CACNA2D3: variants seen among roughly 807,000 people sequenced by gnomAD.
CACNA2D3 encodes the protein calcium voltage-gated channel auxiliary subunit alpha2delta 3, also known as voltage-dependent calcium channel subunit alpha-2/delta-3.
CACNA2D3 carries 60 observed loss-of-function variants against 160.6 expected under a neutral mutation model. That is an observed-to-expected ratio of 0.37 (90% CI 0.30 to 0.46). The LOEUF (loss-of-function observed/expected upper bound fraction) is 0.46, where lower values mean the gene tolerates loss of function less well. Among genes scored for constraint, CACNA2D3 ranks in the 20% least tolerant of loss-of-function variants. The probability of loss-of-function intolerance (pLI) is 1.00; values close to 1 mark genes in which losing one functional copy is unlikely to be tolerated. For synonymous variants in CACNA2D3, 558 were observed against 492.9 expected, an observed-to-expected ratio of 1.13 and a Z score of -1.75; for missense variants, 1,205 against 1,365.0, an observed-to-expected ratio of 0.88 and a Z score of 1.85.
intron 5 of CACNA2D3, among the ~76,000 whole-genome samples, chr3:54,524,432 C>A (rs2106999027): frequency 6.6e-6 from 1 of 151,796 alleles, no homozygotes; most frequent in African/African-American, 2.4e-5. Flanking sequence ...ATGGTCTGTC[C>A]TAGAGAATGT....
At chr3:54,309,965 C>T (rs1703700299) in intron 2 of CACNA2D3, among the ~76,000 whole-genome samples, 1 of 151,882 alleles carries the variant, frequency 6.6e-6, no homozygotes, top group South Asian at 2.1e-4. Context: ...TCTTCTCTCT[C>T]TTCATCATTT....
At chr3:54,896,162 G>A (rs959000446) in intron 25 of CACNA2D3, among the ~76,000 whole-genome samples, 6 of 152,160 alleles carry the variant, frequency 3.9e-5, no homozygotes, top group East Asian at 1.9e-4. Flanking sequence ...AGCTCTCTGC[G>A]CAGAAGGCAG....
intron 3 of CACNA2D3, 127 bp from the exon 4 acceptor site, chr3:54,386,588 G>A: frequency 2.7e-6 from 2 of 753,256 alleles, no homozygotes; most frequent in Non-Finnish European, 4.2e-6. Context: ...TTTCATGGGA[G>A]CAAAGGCATC....
At chr3:54,530,852 T>C (rs1189424476) in intron 5 of CACNA2D3, among the ~76,000 whole-genome samples, 1 of 152,194 alleles carries the variant, frequency 6.6e-6, no homozygotes, top group Non-Finnish European at 1.5e-5. Context: ...TTGGCTAAGC[T>C]GAAAAAAGCT....
rs1701073404 is a variant in CACNA2D3 at position 54,717,543 on chromosome 3, CAT to C, written c.1168-35055_1168-35054del. ...GTGTGTGTGGTGTGTGTGTGGTGTG[CAT>C]GTGTGGTGTGTGTGTGTGTGTGTGG... is the stretch of plus-strand genomic sequence containing the variant. On this transcript the variant is annotated intron_variant, in intron 11 of 37. Transcript: ENST00000474759. Among the ~76,000 whole-genome samples, 5 of 93,010 alleles carry C rather than the reference CAT, an allele frequency of 5.4e-5. No homozygotes were observed. The South Asian group carries it at 1.4e-3, about 25-fold the overall frequency. 61.0% of individuals were successfully genotyped at this position (93,010 alleles called of 152,430 possible).
intron 5 of CACNA2D3, among the ~76,000 whole-genome samples, chr3:54,508,224 G>A (rs1211737219): frequency 9.9e-5 from 15 of 152,212 alleles, no homozygotes; most frequent in Non-Finnish European, 2.2e-4. Flanking sequence ...GAGGCTGTGG[G>A]AGCCATCAGG....
intron 35 of CACNA2D3, among the ~76,000 whole-genome samples, chr3:55,068,942 A>G (rs1481974505): frequency 3.9e-5 from 6 of 152,228 alleles, no homozygotes; most frequent in Admixed American, 3.9e-4. Context: ...CATAGTAGCT[A>G]TAAGTTTCAC....
intron 27 of CACNA2D3, among the ~76,000 whole-genome samples, chr3:54,934,649 C>G (rs1701284576): frequency 6.6e-6 from 1 of 152,170 alleles, no homozygotes; most frequent in East Asian, 1.9e-4. Flanking sequence ...TAAGACTTAG[C>G]CAGGTTCTGT....
chr3:54,353,187 G>A (rs1698594283), intron 3 of CACNA2D3, among the ~76,000 whole-genome samples: 1 of 152,188 alleles, frequency 6.6e-6, no homozygotes, highest in Admixed American at 6.5e-5. Flanking sequence ...CCTTATTTAA[G>A]TCGTGCAGTC....
chr3:54,352,134 G>A (rs1698575443), intron 3 of CACNA2D3, among the ~76,000 whole-genome samples: 1 of 152,184 alleles, frequency 6.6e-6, no homozygotes. Context: ...TTGGCACAAT[G>A]GAAAGTCAGA....
chr3:54,461,350 G>T (rs1700500410), intron 4 of CACNA2D3, among the ~76,000 whole-genome samples: 1 of 150,848 alleles, frequency 6.6e-6, no homozygotes, highest in South Asian at 2.1e-4. Context: ...CAGAAGGAAT[G>T]GTACCAGTTC....
In CACNA2D3 at chr3:55,033,805, ATGT is replaced by A. The variant is rs1410347881; in HGVS notation, c.2987+15489_2987+15491del. On this transcript the variant is annotated intron_variant, in intron 35 of 37. Coordinates refer to ENST00000474759, the MANE Select transcript of CACNA2D3 (RefSeq NM_018398.3). ...ATATATTAAATATATTTTATATAAT[ATGT>A]ATTATATATTAAATATATTTAATAT... Among the ~76,000 whole-genome samples, 916 of 122,292 alleles carry A rather than the reference ATGT, an allele frequency of 7.5e-3. 68 individuals carry two copies. The highest frequency in any genetic ancestry group is 0.033 in the African/African-American group (878 of 26,998). 80.2% of individuals were successfully genotyped at this position (122,292 alleles called of 152,430 possible). A position where few individuals can be genotyped will look rare whatever the true frequency, so the allele number is the denominator to read the frequency against.
At chr3:54,830,182 A>G (rs1039465220) in intron 14 of CACNA2D3, among the ~76,000 whole-genome samples, 1 of 151,940 alleles carries the variant, frequency 6.6e-6, no homozygotes, top group Non-Finnish European at 1.5e-5. Context: ...TGACCTCATG[A>G]TCCACCTGCC....
At chr3:54,535,109 G>A (rs561900381) in intron 5 of CACNA2D3, among the ~76,000 whole-genome samples, 1 of 152,260 alleles carries the variant, frequency 6.6e-6, no homozygotes, top group African/African-American at 2.4e-5. Context: ...ATTCTCTGCT[G>A]TATTTTTATA....
chr3:54,662,982 A>C (rs1312372265), intron 11 of CACNA2D3, among the ~76,000 whole-genome samples: 2 of 152,192 alleles, frequency 1.3e-5, no homozygotes, highest in South Asian at 2.1e-4. Flanking sequence ...TTGTGACAGG[A>C]ACCAAATGAG....
chr3:54,132,002 A>G (rs1222785345), intron 2 of CACNA2D3, among the ~76,000 whole-genome samples: 1 of 152,214 alleles, frequency 6.6e-6, no homozygotes, highest in Non-Finnish European at 1.5e-5. Context: ...TAGATGTGGG[A>G]GACAGTAAAT....
chr3:54,339,314 T>G (rs560663779), intron 3 of CACNA2D3, among the ~76,000 whole-genome samples: 1 of 152,322 alleles, frequency 6.6e-6, no homozygotes, highest in South Asian at 2.1e-4. Context: ...TCCTCTTGGA[T>G]TCTTCTCTTT....
intron 2 of CACNA2D3, among the ~76,000 whole-genome samples, chr3:54,318,566 A>G (rs1703919619): frequency 6.6e-6 from 1 of 152,056 alleles, no homozygotes; most frequent in South Asian, 2.1e-4. Context: ...TCTTGGGTCT[A>G]ATATTCAGGT....
intron 9 of CACNA2D3, among the ~76,000 whole-genome samples, chr3:54,597,936 C>G (rs1393150050): frequency 6.6e-6 from 1 of 151,996 alleles, no homozygotes; most frequent in Non-Finnish European, 1.5e-5. Flanking sequence ...GCCGTGGGCA[C>G]TGGTTGTGTC....
Sources: allele counts gnomAD v4.1 joint callset (sites outside exome capture counted in the v4.1 genomes callset), GRCh38; gene constraint gnomAD v4.1.1; transcripts MANE v1.5; gene names NCBI Gene and HGNC (gene_info 2026-07-23, HGNC 2026-07-21).